The following ARHGAP26 variants were observed in gnomAD, a reference collection of about 807,000 sequenced individuals.
ARHGAP26 encodes the protein rho GTPase-activating protein 26.
A neutral mutation model predicts 104.8 loss-of-function variants in ARHGAP26; 38 were observed. The ratio of observed to expected loss-of-function variants is 0.36; its 90% CI spans 0.28 to 0.48. ARHGAP26 has a LOEUF of 0.48. Among genes scored for constraint, ARHGAP26 ranks in the 20% least tolerant of loss-of-function variants. The probability of loss-of-function intolerance (pLI) is 0.99; values close to 1 mark genes in which losing one functional copy is unlikely to be tolerated. For missense variants in ARHGAP26, 704 were observed against 947.9 expected (o/e 0.74, Z 3.38); for synonymous variants, 341 against 340.0 (o/e 1.00, Z -0.03).
intron 9 of ARHGAP26, among the ~76,000 whole-genome samples, chr5:142,911,972 A>G (rs1483563679): frequency 6.6e-6 from 1 of 152,220 alleles, no homozygotes; most frequent in African/African-American, 2.4e-5. Flanking sequence ...CTCTTCTGAT[A>G]TTAGTGGGTG....
At chr5:142,883,695 T>C (rs1053519570) in intron 4 of ARHGAP26, among the ~76,000 whole-genome samples, 28 of 152,260 alleles carry the variant, frequency 1.8e-4, no homozygotes, top group Non-Finnish European at 4.0e-4. Context: ...CTGCTCCTTC[T>C]GTATTTCACA....
At chr5:142,953,840 G>T (rs1188265229) in intron 11 of ARHGAP26, among the ~76,000 whole-genome samples, 1 of 152,156 alleles carries the variant, frequency 6.6e-6, no homozygotes, top group Non-Finnish European at 1.5e-5. Flanking sequence ...CCTGAGATAG[G>T]GGCACAGAGC....
At position 143,037,200 on chromosome 5, in the gene ARHGAP26, G is replaced by T. The variant is rs149675399; in HGVS notation, c.1149G>T (p.Ala383=). 1.9e-6 allele frequency: 3 copies of T among 1,600,004 alleles called. No homozygotes were observed. Among genetic ancestry groups the T allele is most frequent in the Non-Finnish European group, 2.6e-6 (3 of 1,169,596 alleles). The change falls in exon 13 of 23, where the codon GCG becomes GCT. Residue 383 remains alanine (A), a synonymous_variant. Transcript: ENST00000645722. ...SNKDSQSEGT[A]QLDSIGFSII... Reference sequence around the variant, plus strand: ...GTCCTTCTCTTGCTCTTTCAGCTGCGCAGTTGGACAGCATTGGCTTCAGCA... The same window carrying T: ...GTCCTTCTCTTGCTCTTTCAGCTGCTCAGTTGGACAGCATTGGCTTCAGCA...
In ARHGAP26 at chr5:142,844,854, C is replaced by CAA. The variant is rs550211748; in HGVS notation, c.155-28530_155-28529dup. Among the ~76,000 whole-genome samples, 290 of 80,624 alleles carry CAA rather than the reference C, an allele frequency of 3.6e-3. 2 individuals carry two copies. The highest frequency in any genetic ancestry group is 0.013 in the African/African-American group (269 of 21,176). The allele number at this position is 80,624 out of a possible 152,430, so 52.9% of individuals were successfully genotyped here. ...GGGACAACAGAGTGAGACTGCGTCT[C>CAA]AAAAAAAAAAAAAAAAAGAACTCTT... On this transcript the variant is annotated intron_variant, in intron 1 of 22. Transcript: ENST00000645722.
At chr5:143,154,178 T>C (rs1253514669) in intron 20 of ARHGAP26, among the ~76,000 whole-genome samples, 1 of 87,898 alleles carries the variant, frequency 1.1e-5, no homozygotes, top group Non-Finnish European at 2.5e-5. Context: ...AAAAAAGAGT[T>C]TCTGCTTTCA....
At chr5:142,965,393 T>A (rs986220622) in intron 11 of ARHGAP26, among the ~76,000 whole-genome samples, 1 of 152,222 alleles carries the variant, frequency 6.6e-6, no homozygotes, top group Non-Finnish European at 1.5e-5. Context: ...CTTGACACTT[T>A]TTGATACCGC....
At chr5:143,015,846 A>G (rs79035689) in intron 12 of ARHGAP26, among the ~76,000 whole-genome samples, 1,661 of 152,352 alleles carry the variant, frequency 0.011, 17 homozygotes, top group African/African-American at 0.027. Context: ...GATTTGAAGG[A>G]CAACCATGGT....
intron 11 of ARHGAP26, among the ~76,000 whole-genome samples, chr5:142,945,808 A>C (rs1767022496): frequency 6.6e-6 from 1 of 152,246 alleles, no homozygotes; most frequent in South Asian, 2.1e-4. Context: ...ATTAACACTG[A>C]TACAATATTA....
intron 12 of ARHGAP26, among the ~76,000 whole-genome samples, chr5:143,035,935 CAAAAAAAAAAAAAA>C (rs10713064): frequency 1.3e-5 from 1 of 78,098 alleles, no homozygotes; most frequent in Admixed American, 1.4e-4. Flanking sequence ...GACCTTGTCT[CAAAAAAAAAAAAAA>C]AAAAAAAAAG....
intron 9 of ARHGAP26, among the ~76,000 whole-genome samples, chr5:142,911,193 T>A (rs1761783369): frequency 6.6e-6 from 1 of 152,104 alleles, no homozygotes; most frequent in African/African-American, 2.4e-5. Flanking sequence ...CCAAAACCGA[T>A]CCTATCCCTT....
At chr5:143,157,160 A>C (rs1453054400) in intron 20 of ARHGAP26, among the ~76,000 whole-genome samples, 1 of 146,082 alleles carries the variant, frequency 6.8e-6, no homozygotes, top group African/African-American at 2.5e-5. Context: ...GACTAAGTTC[A>C]ACACATTCTT....
chr5:143,163,712 A>G (rs1179968188), intron 20 of ARHGAP26, among the ~76,000 whole-genome samples: 1 of 152,078 alleles, frequency 6.6e-6, no homozygotes, highest in African/African-American at 2.4e-5. Context: ...CGGTCTCCCA[A>G]AGTGCTGGGA....
intron 1 of ARHGAP26, among the ~76,000 whole-genome samples, chr5:142,789,211 C>G (rs1444689340): frequency 6.6e-6 from 1 of 152,170 alleles, no homozygotes; most frequent in Non-Finnish European, 1.5e-5. Context: ...AATGTAGCAG[C>G]TATTGCTACT....
chr5:142,955,127 C>CACACAA (rs1176238341), intron 11 of ARHGAP26, among the ~76,000 whole-genome samples: 4 of 149,588 alleles, frequency 2.7e-5, no homozygotes, highest in Non-Finnish European at 4.4e-5. Flanking sequence ...CACACACACC[C>CACACAA]CCCATCTCTG....
chr5:143,007,464 T>C (rs1778158410), intron 11 of ARHGAP26, among the ~76,000 whole-genome samples: 1 of 152,220 alleles, frequency 6.6e-6, no homozygotes, highest in Admixed American at 6.5e-5. Context: ...AATTTTGTTA[T>C]TACATAATGG....
intron 11 of ARHGAP26, among the ~76,000 whole-genome samples, chr5:142,977,962 A>G (rs1035658507): frequency 6.6e-6 from 1 of 152,210 alleles, no homozygotes; most frequent in African/African-American, 2.4e-5. Context: ...CATGGCTGGG[A>G]TGGTTGACAG....
At chr5:142,987,762 T>C (rs1342649694) in intron 11 of ARHGAP26, among the ~76,000 whole-genome samples, 1 of 152,178 alleles carries the variant, frequency 6.6e-6, no homozygotes, top group Non-Finnish European at 1.5e-5. Flanking sequence ...ATCATGTGGT[T>C]TTTGTCTTTG....
intron 14 of ARHGAP26, among the ~76,000 whole-genome samples, chr5:143,045,559 C>G (rs1409512874): frequency 6.6e-6 from 1 of 152,188 alleles, no homozygotes; most frequent in African/African-American, 2.4e-5. Context: ...AAAACCTTCC[C>G]CTGAGATGGC....
intron 20 of ARHGAP26, among the ~76,000 whole-genome samples, chr5:143,187,476 T>A (rs1441833855): frequency 6.6e-6 from 1 of 152,224 alleles, no homozygotes; most frequent in Non-Finnish European, 1.5e-5. Flanking sequence ...TCTGGAAGTC[T>A]GCTTGGTTTG....
Sources: gnomAD v4.1 joint callset for allele counts (sites outside exome capture counted in the v4.1 genomes callset) on GRCh38, gnomAD v4.1.1 for gene constraint, MANE v1.5 for transcripts, NCBI Gene and HGNC (gene_info 2026-07-23, HGNC 2026-07-21) for gene names.